Variants in GSE1 observed in about 807,000 individuals in gnomAD.
GSE1 encodes the protein Gse1 coiled-coil protein.
Under a neutral mutation model 112.6 loss-of-function variants are expected in GSE1, and 32 were observed. The ratio of observed to expected loss-of-function variants is 0.28; its 90% confidence interval spans 0.21 to 0.38. The LOEUF is 0.38. Ranked by LOEUF, GSE1 falls within the 10% of genes least tolerant of loss-of-function variation. The pLI, the probability that GSE1 is intolerant of heterozygous loss-of-function variation, is 1.00. For synonymous variants in GSE1, 1,115 were observed against 735.6 expected (o/e 1.52, Z -8.35); for missense variants, 2,348 against 1,699.2 (o/e 1.38, Z -6.71).
intron 1 of GSE1, among the ~76,000 whole-genome samples, chr16:85,300,566 G>A (rs2045494711): frequency 6.6e-6 from 1 of 152,220 alleles, no homozygotes; most frequent in Admixed American, 6.5e-5. Context: ...GTGTCTGGCT[G>A]CTTTCACTCA....
intron 1 of GSE1, among the ~76,000 whole-genome samples, chr16:85,563,164 C>T (rs926349407): frequency 6.7e-6 from 1 of 148,914 alleles, no homozygotes; most frequent in African/African-American, 2.5e-5. Context: ...CACATGGTAT[C>T]CTCCTCCTCC....
intron 1 of GSE1, among the ~76,000 whole-genome samples, chr16:85,222,743 A>T (rs1011744375): frequency 6.6e-6 from 1 of 152,266 alleles, no homozygotes; most frequent in Non-Finnish European, 1.5e-5. Context: ...GATGTTTCTC[A>T]TTGAAGATGC....
chr16:85,592,190 T>G (rs2047032163), intron 1 of GSE1: 1 of 151,150 alleles, frequency 6.6e-6, no homozygotes, highest in Non-Finnish European at 1.5e-5. Context: ...TGAGACGGAG[T>G]CTCTCTCTGT....
At chr16:85,298,821 GC>G (rs1567672060) in intron 1 of GSE1, among the ~76,000 whole-genome samples, 1 of 152,264 alleles carries the variant, frequency 6.6e-6, no homozygotes. Flanking sequence ...TAGGGCAGGG[GC>G]ACTCCGCTGC....
intron 2 of GSE1, among the ~76,000 whole-genome samples, chr16:85,424,679 G>A (rs996540056): frequency 5.3e-5 from 8 of 152,230 alleles, no homozygotes; most frequent in Admixed American, 2.0e-4. Context: ...TGCTCCCGCC[G>A]TCCCTCGGAA....
At chr16:85,170,679 C>T (rs1462839307) in exon 1 of GSE1, 3 of 985,592 alleles carry the variant, frequency 3.0e-6, no homozygotes, top group Admixed American at 1.2e-4. Context: ...ACCAGGTCCA[C>T]GTGCAGAAGC....
intron 2 of GSE1, among the ~76,000 whole-genome samples, chr16:85,485,479 G>A (rs565721561): frequency 2.0e-5 from 3 of 152,360 alleles, no homozygotes; most frequent in Non-Finnish European, 4.4e-5. Flanking sequence ...GCCAGGCATG[G>A]CCCCTGCTCA....
intron 1 of GSE1, among the ~76,000 whole-genome samples, chr16:85,198,129 T>G (rs1479860282): frequency 6.6e-6 from 1 of 151,870 alleles, no homozygotes; most frequent in East Asian, 1.9e-4. Context: ...TCTATGTGGG[T>G]GGCAGAAGGG....
At position 85,364,680 on chromosome 16, in the gene GSE1, C is replaced by T. The variant is rs570673315; in HGVS notation, c.2464+7037C>T. On this transcript the variant is annotated intron_variant, in intron 2 of 2. Transcript: ENST00000637419. Reference sequence around the variant, plus strand: ...GGCACGGGCAACAGACACAGGAACACCCCTGGATACTCTCCCGCTGTGGCC... The same window carrying T: ...GGCACGGGCAACAGACACAGGAACATCCCTGGATACTCTCCCGCTGTGGCC... Among the ~76,000 whole-genome samples, 75 of 152,282 alleles carry T rather than the reference C, an allele frequency of 4.9e-4. 1 individual carries two copies. In the South Asian group the frequency reaches 0.015, roughly 30 times the overall value.
intron 13 of GSE1, among the ~76,000 whole-genome samples, chr16:85,667,166 C>T (rs982469018): frequency 5.3e-5 from 8 of 152,224 alleles, no homozygotes; most frequent in African/African-American, 1.2e-4. Flanking sequence ...TTCAGAATAC[C>T]CTCCCTCCCT....
chr16:85,654,367 C>A lies in GSE1; in HGVS notation c.516C>A (p.Ile172=), dbSNP rs1181205942. 4 of 1,611,910 alleles carry A rather than the reference C, an allele frequency of 2.5e-6. No individual in the cohort carries two copies. In the Admixed American group the frequency reaches 5.0e-5, roughly 20 times the overall value. Reference sequence around the variant, plus strand: ...AGGAGAAGGCAGGGGGACCAGCCATCCCCTCGCACCTGCTCAGCACCCCCT... The same window carrying A: ...AGGAGAAGGCAGGGGGACCAGCCATACCCTCGCACCTGCTCAGCACCCCCT... ...LPQEKAGGPA[I]PSHLLSTPYP... is the part of the protein sequence containing the mutation. Residue 172 remains isoleucine (I), a synonymous_variant, in exon 4 of 16, where the codon ATC becomes ATA. Transcript: ENST00000253458.
At chr16:85,193,141 A>G (rs910750636) in intron 1 of GSE1, among the ~76,000 whole-genome samples, 9 of 152,204 alleles carry the variant, frequency 5.9e-5, no homozygotes, top group African/African-American at 1.9e-4. Context: ...TGGACTATTA[A>G]GACTTCATCA....
intron 2 of GSE1, among the ~76,000 whole-genome samples, chr16:85,458,756 A>G (rs558895466): frequency 1.3e-5 from 2 of 152,304 alleles, no homozygotes; most frequent in Non-Finnish European, 2.9e-5. Context: ...CCTCCCCAGC[A>G]CTGCTGGGGA....
intron 2 of GSE1, among the ~76,000 whole-genome samples, chr16:85,387,394 C>T (rs2047711462): frequency 6.6e-6 from 1 of 152,196 alleles, no homozygotes; most frequent in South Asian, 2.1e-4. Flanking sequence ...CATGCTGAAG[C>T]CGTTGTGGCT....
rs2048778686 is a variant in GSE1, at chr16:85,419,504, GC to G, written c.2464+61862del. 6.6e-6 allele frequency among the ~76,000 whole-genome samples: 1 copy of G among 151,980 alleles called. No homozygotes were observed. The highest frequency in any genetic ancestry group is 1.5e-5 in the Non-Finnish European group (1 of 67,998). ...ATCTGTGGTCCTAGCTACTCGGGAGGCTGAGGTGGGAGGATCGCCTGACCCT... is the reference window on the plus strand; with the variant it reads ...ATCTGTGGTCCTAGCTACTCGGGAGGTGAGGTGGGAGGATCGCCTGACCCT... On this transcript the variant is annotated intron_variant, in intron 2 of 2. Coordinates refer to the GSE1 transcript ENST00000637419. The surrounding 1 kb of genome is among the most constrained non-coding windows in gnomAD (Gnocchi z 6.5).
At chr16:85,360,423 C>T (rs2151577662) in intron 2 of GSE1, among the ~76,000 whole-genome samples, 1 of 152,330 alleles carries the variant, frequency 6.6e-6, no homozygotes, top group East Asian at 1.9e-4. Flanking sequence ...CCAGCTGCTC[C>T]CTGTCAGGCT....
chr16:85,241,762 G>A (rs1905188698), intron 1 of GSE1, among the ~76,000 whole-genome samples: 2 of 152,082 alleles, frequency 1.3e-5, no homozygotes, highest in South Asian at 4.1e-4. Context: ...CTCCCAGCTG[G>A]GATTCAAAGG....
intron 2 of GSE1, among the ~76,000 whole-genome samples, chr16:85,397,459 C>T (rs2047994001): frequency 6.6e-6 from 1 of 152,240 alleles, no homozygotes; most frequent in Admixed American, 6.5e-5. Flanking sequence ...CTGCCTGGAA[C>T]ATGTGGTCTC....
intron 2 of GSE1, among the ~76,000 whole-genome samples, chr16:85,489,623 C>A (rs1291802522): frequency 6.6e-6 from 1 of 151,288 alleles, no homozygotes; most frequent in Non-Finnish European, 1.5e-5. Context: ...TGCTACGCGG[C>A]CCGCGCCTCC....
Sources: gnomAD v4.1 joint callset for allele counts (sites outside exome capture counted in the v4.1 genomes callset) on GRCh38, gnomAD v4.1.1 for gene constraint, Gnocchi (gnomAD v3.1) non-coding constraint, MANE v1.5 for transcripts, NCBI Gene and HGNC (gene_info 2026-07-23, HGNC 2026-07-21) for gene names.